GUCY1A2: variants seen among roughly 807,000 people sequenced by gnomAD.
GUCY1A2 encodes guanylate cyclase 1 soluble subunit alpha 2, also known as guanylate cyclase soluble subunit alpha-2.
Under a neutral mutation model 63.5 loss-of-function variants are expected in GUCY1A2, and 27 were observed. The observed-to-expected ratio is 0.43, with a 90% confidence interval of 0.31 to 0.59. GUCY1A2 has a LOEUF of 0.59. Among genes scored for constraint, GUCY1A2 ranks in the 20% least tolerant of loss-of-function variants. The pLI is 0.11. For missense variants in GUCY1A2, 768 were observed against 913.3 expected (o/e 0.84, Z 2.05); for synonymous variants, 364 against 343.5 (o/e 1.06, Z -0.66).
rs1273542615 is a variant in GUCY1A2, at chr11:106,827,255, T to C, written c.1207-16777A>G. On this transcript the variant is annotated intron_variant, in intron 4 of 7. Coordinates refer to ENST00000526355, the MANE Select transcript of GUCY1A2 (RefSeq NM_000855.3). ...GCTTCCTTTTTCCTTCCTTCAGTTGTATATCTGGTTCTTTTATATGCAATT... is the reference window on the plus strand; with the variant it reads ...GCTTCCTTTTTCCTTCCTTCAGTTGCATATCTGGTTCTTTTATATGCAATT... 1.0e-5 allele frequency: 16 copies of C among 1,550,312 alleles called. No individual in the cohort carries two copies. The Admixed American group carries it at 2.3e-4, about 23-fold the overall frequency.
chr11:106,776,052 C>T (rs918662536), intron 6 of GUCY1A2, among the ~76,000 whole-genome samples: 1 of 152,194 alleles, frequency 6.6e-6, no homozygotes, highest in African/African-American at 2.4e-5. Flanking sequence ...ATACTATCTA[C>T]AGGAAGTTGC....
intron 1 of GUCY1A2, among the ~76,000 whole-genome samples, chr11:106,987,295 T>A (rs1289263693): frequency 6.6e-6 from 1 of 152,198 alleles, no homozygotes; most frequent in Non-Finnish European, 1.5e-5. Flanking sequence ...AAGCAGTTAA[T>A]AAGTATCAAT....
chr11:106,842,085 G>A (rs1859206397), intron 4 of GUCY1A2, among the ~76,000 whole-genome samples: 3 of 151,842 alleles, frequency 2.0e-5, no homozygotes, highest in South Asian at 4.1e-4. Flanking sequence ...GAGAAAGTCT[G>A]GTTTATTCAT....
At chr11:106,778,473 C>T (rs921775110) in intron 5 of GUCY1A2, among the ~76,000 whole-genome samples, 2 of 152,088 alleles carry the variant, frequency 1.3e-5, no homozygotes, top group Non-Finnish European at 2.9e-5. Flanking sequence ...TCCTGGCTAA[C>T]ACGGTGAAAC....
intron 6 of GUCY1A2, among the ~76,000 whole-genome samples, chr11:106,774,901 C>G (rs1864328294): frequency 6.6e-6 from 1 of 152,012 alleles, no homozygotes; most frequent in Non-Finnish European, 1.5e-5. Flanking sequence ...TGATTCTTTC[C>G]CAAGTCTTGT....
chr11:106,978,595 T>C (rs769646548), intron 3 of GUCY1A2, 24 bp downstream of exon 3: 2 of 1,383,634 alleles, frequency 1.4e-6, no homozygotes, highest in Non-Finnish European at 2.0e-6. Context: ...CTCTCATCCA[T>C]ATAAATATAT....
intron 6 of GUCY1A2, among the ~76,000 whole-genome samples, chr11:106,722,784 C>CTGTGTG (rs5794487): frequency 5.6e-4 from 84 of 148,964 alleles, no homozygotes; most frequent in Admixed American, 1.4e-3. Flanking sequence ...AAGACCAGTT[C>CTGTGTG]TGTGTGTGTG....
At chr11:107,012,122 T>C (rs1861754440) in intron 1 of GUCY1A2, among the ~76,000 whole-genome samples, 1 of 152,162 alleles carries the variant, frequency 6.6e-6, no homozygotes, top group Non-Finnish European at 1.5e-5. Flanking sequence ...AGTAATCTGA[T>C]GGAAATGTTT....
At position 106,850,260 on chromosome 11, in the gene GUCY1A2, G is replaced by T. The variant is rs538580874; in HGVS notation, c.1207-39782C>A. Among the ~76,000 whole-genome samples the T allele has an allele frequency of 1.3e-5, 2 of 151,724 alleles. 1 individual carries two copies. Among genetic ancestry groups the T allele is most frequent in the African/African-American group, 4.8e-5 (2 of 41,478 alleles). On this transcript the variant is annotated intron_variant, in intron 4 of 7. Coordinates refer to ENST00000526355, the MANE Select transcript of GUCY1A2 (RefSeq NM_000855.3). Reference sequence around the variant, plus strand: ...TGTATACATTTATGGAACGTAGAATGGTATTTCAATGTGTGTACAATGGGT... The same window carrying T: ...TGTATACATTTATGGAACGTAGAATTGTATTTCAATGTGTGTACAATGGGT...
chr11:106,837,199 C>T (rs1326073001), intron 4 of GUCY1A2, among the ~76,000 whole-genome samples: 1 of 151,880 alleles, frequency 6.6e-6, no homozygotes, highest in Non-Finnish European at 1.5e-5. Context: ...TCTTTGTGTC[C>T]ATGAGTTCTC....
intron 6 of GUCY1A2, among the ~76,000 whole-genome samples, chr11:106,766,530 T>C (rs992382069): frequency 6.7e-6 from 1 of 148,596 alleles, no homozygotes; most frequent in Non-Finnish European, 1.5e-5. Flanking sequence ...TCTTCTGTAA[T>C]ACTAGTTTTC....
intron 7 of GUCY1A2, among the ~76,000 whole-genome samples, chr11:106,703,049 A>G (rs763311294): frequency 2.6e-5 from 4 of 152,130 alleles, no homozygotes; most frequent in Non-Finnish European, 5.9e-5. Flanking sequence ...GCACAGCCAT[A>G]ATAAAACCAG....
chr11:106,915,217 C>T (rs1042336159), intron 4 of GUCY1A2, among the ~76,000 whole-genome samples: 4 of 152,018 alleles, frequency 2.6e-5, no homozygotes, highest in Non-Finnish European at 2.9e-5. Context: ...TTTCCTTGTT[C>T]TTAACTGACT....
At chr11:106,894,785 C>T (rs1860023303) in intron 4 of GUCY1A2, among the ~76,000 whole-genome samples, 1 of 152,038 alleles carries the variant, frequency 6.6e-6, no homozygotes, top group Admixed American at 6.6e-5. Context: ...AGTAACACCA[C>T]TGAATGCATA....
At chr11:106,840,911 TAAAC>T (rs1398343545) in intron 4 of GUCY1A2, among the ~76,000 whole-genome samples, 1 of 151,948 alleles carries the variant, frequency 6.6e-6, no homozygotes, top group African/African-American at 2.4e-5. Context: ...ACTTTAGAAA[TAAAC>T]ACATCAACAT....
At position 106,916,552 on chromosome 11, in the gene GUCY1A2, C is replaced by T. The variant is rs546003547; in HGVS notation, c.1206+22908G>A. On this transcript the variant is annotated intron_variant, in intron 4 of 7. Transcript: ENST00000526355. ...TTCATGTTCCTGCTTAAAGATTGTG[C>T]TTAAACCAGGTGAGCCATATTTTAA... 2.1e-5 allele frequency among the ~76,000 whole-genome samples: 3 copies of T among 145,370 alleles called. 1 individual carries two copies. The South Asian group carries it at 7.2e-4, about 35-fold the overall frequency.
chr11:106,933,448 G>A (rs947435599), intron 4 of GUCY1A2, among the ~76,000 whole-genome samples: 5 of 152,132 alleles, frequency 3.3e-5, no homozygotes, highest in Admixed American at 3.3e-4. Context: ...AAAAGCAACA[G>A]ATGCTGGCAA....
At position 106,900,260 on chromosome 11, in the gene GUCY1A2, C is replaced by T. The variant is rs898755542; in HGVS notation, c.1206+39200G>A. ...GTACAGCGGCACTATATCTGCTCCC[C>T]GCAACCTCCACCTCCTGGGCTCCAG... is the stretch of plus-strand genomic sequence containing the variant. On this transcript the variant is annotated intron_variant, in intron 4 of 7. Transcript: ENST00000526355. Among the ~76,000 whole-genome samples the T allele has an allele frequency of 3.9e-5, 6 of 152,046 alleles. No individual in the cohort carries two copies. In the South Asian group the frequency reaches 6.2e-4, roughly 16 times the overall value.
chr11:106,750,675 C>T (rs992624296), intron 6 of GUCY1A2, among the ~76,000 whole-genome samples: 3 of 151,872 alleles, frequency 2.0e-5, no homozygotes, highest in African/African-American at 7.3e-5. Context: ...TTGATTCATA[C>T]CAATTACCCC....
Sources: gnomAD v4.1 joint callset for allele counts (sites outside exome capture counted in the v4.1 genomes callset) on GRCh38, gnomAD v4.1.1 for gene constraint, MANE v1.5 for transcripts, NCBI Gene and HGNC (gene_info 2026-07-23, HGNC 2026-07-21) for gene names.